Variants in PEAK1 observed in about 807,000 individuals in gnomAD.
The protein encoded by PEAK1 is pseudopodium enriched atypical kinase 1, also known as inactive tyrosine-protein kinase PEAK1.
Under a neutral mutation model 124.7 loss-of-function variants are expected in PEAK1, and 54 were observed. That is an observed-to-expected ratio of 0.43 (90% confidence interval 0.35 to 0.54). The LOEUF is 0.54. Among genes scored for constraint, PEAK1 ranks in the 20% least tolerant of loss-of-function variants. The probability of loss-of-function intolerance (pLI) is 0.01; values close to 1 mark genes in which losing one functional copy is unlikely to be tolerated. For missense variants in PEAK1, 2,046 were observed against 2,134.5 expected, an observed-to-expected ratio of 0.96 and a Z score of 0.82; for synonymous variants, 719 against 760.0, an observed-to-expected ratio of 0.95 and a Z score of 0.89.
intron 2 of PEAK1, chr15:77,351,892 C>T: frequency 1.0e-6 from 1 of 985,314 alleles, no homozygotes; most frequent in Non-Finnish European, 1.2e-6. Flanking sequence ...AGAATAAAGT[C>T]TAAAGGTAAT....
chr15:77,261,192 G>A (rs1291464675), intron 5 of PEAK1, among the ~76,000 whole-genome samples: 1 of 152,172 alleles, frequency 6.6e-6, no homozygotes, highest in African/African-American at 2.4e-5. Flanking sequence ...CAGAAACACT[G>A]AAAATTCTAA....
rs73461018 is a variant in PEAK1 at position 77,338,122 on chromosome 15, C to G, written c.-603+27041G>C. On this transcript the variant is annotated intron_variant, in intron 2 of 9. Transcript: ENST00000682557. ...GGTAAATAAGCAATGATAATCAAAT[C>G]AGCAGTGACAGATTAGCATGGACAA... is the stretch of plus-strand genomic sequence containing the variant. 1.0e-3 allele frequency: 982 copies of G among 982,840 alleles called. 5 individuals are homozygous for G. In the African/African-American group the frequency reaches 0.016, roughly 16 times the overall value. 60.9% of individuals were successfully genotyped at this position (982,840 alleles called of 1,614,324 possible). A position where few individuals can be genotyped will look rare whatever the true frequency, so the allele number is the denominator to read the frequency against.
At chr15:77,286,655 A>C (rs2062945536) in intron 2 of PEAK1, 151 bp from the exon 3 acceptor site, 1 of 181,884 alleles carries the variant, frequency 5.5e-6, no homozygotes, top group Non-Finnish European at 1.0e-5. Flanking sequence ...AAAATCACTA[A>C]GAGGTGTTTT....
downstream of PEAK1, chr15:77,106,940 G>A (rs950447003): frequency 1.3e-5 from 2 of 152,288 alleles, no homozygotes; most frequent in African/African-American, 4.8e-5. Flanking sequence ...TTACACTTCA[G>A]CCTTCGTATA....
At chr15:77,302,332 A>G (rs1382260450) in intron 2 of PEAK1, among the ~76,000 whole-genome samples, 1 of 152,200 alleles carries the variant, frequency 6.6e-6, no homozygotes, top group African/African-American at 2.4e-5. Context: ...AACCATGTGT[A>G]TCTATACATT....
At chr15:77,217,866 G>T (rs4886855) in intron 6 of PEAK1, among the ~76,000 whole-genome samples, 6 of 152,188 alleles carry the variant, frequency 3.9e-5, no homozygotes, top group Non-Finnish European at 5.9e-5. Context: ...ATCCTAAAAA[G>T]TTTGTTTTTT....
chr15:77,268,691 TCAC>T (rs1183824604), intron 5 of PEAK1, among the ~76,000 whole-genome samples: 1 of 151,896 alleles, frequency 6.6e-6, no homozygotes, highest in Non-Finnish European at 1.5e-5. Flanking sequence ...CGCAAAAACA[TCAC>T]CACCTAGGCA....
chr15:77,305,577 G>GT (rs2064053880), intron 2 of PEAK1, among the ~76,000 whole-genome samples: 1 of 152,120 alleles, frequency 6.6e-6, no homozygotes, highest in South Asian at 2.1e-4. Flanking sequence ...TTACTATGGA[G>GT]TTTTTTGGAA....
At chr15:77,211,951 G>A (rs1010319643) in intron 6 of PEAK1, among the ~76,000 whole-genome samples, 30 of 150,514 alleles carry the variant, frequency 2.0e-4, no homozygotes, top group Admixed American at 6.0e-4. Context: ...TTCCTTCTCT[G>A]GTGTTTTCAT....
chr15:77,321,102 C>T (rs1281306188), intron 2 of PEAK1, among the ~76,000 whole-genome samples: 1 of 152,128 alleles, frequency 6.6e-6, no homozygotes, highest in Admixed American at 6.6e-5. Context: ...CTATTGTGAA[C>T]AGTGCCACAA....
At chr15:77,402,399 A>G (rs2071448680) in intron 1 of PEAK1, 1 of 985,376 alleles carries the variant, frequency 1.0e-6, no homozygotes, top group Non-Finnish European at 1.2e-6. Flanking sequence ...ATTTCATTCA[A>G]TCAACATATC....
At chr15:77,200,594 A>G (rs2058316831) in intron 6 of PEAK1, among the ~76,000 whole-genome samples, 1 of 152,252 alleles carries the variant, frequency 6.6e-6, no homozygotes, top group Admixed American at 6.5e-5. Context: ...AAGTTTTATC[A>G]AACTGTGAAT....
At chr15:77,261,648 G>A (rs2061447192) in intron 5 of PEAK1, among the ~76,000 whole-genome samples, 1 of 152,180 alleles carries the variant, frequency 6.6e-6, no homozygotes, top group Admixed American at 6.5e-5. Context: ...GTACCTGAAA[G>A]TGACGGGGAG....
At chr15:77,404,930 G>A (rs1258725824) in intron 1 of PEAK1, 1 of 211,646 alleles carries the variant, frequency 4.7e-6, no homozygotes, top group Non-Finnish European at 8.2e-6. Context: ...CTTTCACAGT[G>A]TGACCACTTT....
At chr15:77,104,825 T>TG (rs1456585661), downstream of PEAK1, 1 of 152,080 alleles carries the variant, frequency 6.6e-6, no homozygotes, top group Non-Finnish European at 1.5e-5. Flanking sequence ...AAGGGTAAAA[T>TG]GGGGATAATT....
chr15:77,313,682 G>GTATA (rs1567244747), intron 2 of PEAK1, among the ~76,000 whole-genome samples: 8 of 118,648 alleles, frequency 6.7e-5, no homozygotes, highest in African/African-American at 3.2e-4. Context: ...GTGTGTGTGT[G>GTATA]TGTGTGTGTG....
chr15:77,348,039 T>C (rs2066975420), intron 2 of PEAK1: 1 of 985,356 alleles, frequency 1.0e-6, no homozygotes, highest in South Asian at 4.7e-5. Context: ...TGCACATGGC[T>C]ATCAAATATA....
chr15:77,273,423 G>A (rs1333015042), intron 5 of PEAK1, among the ~76,000 whole-genome samples: 1 of 152,106 alleles, frequency 6.6e-6, no homozygotes. Flanking sequence ...AAAGTTTCAG[G>A]ATACAAAATT....
At chr15:77,261,027 C>T (rs1267152630) in intron 5 of PEAK1, among the ~76,000 whole-genome samples, 1 of 152,146 alleles carries the variant, frequency 6.6e-6, no homozygotes, top group African/African-American at 2.4e-5. Flanking sequence ...GGAGAGGACC[C>T]CCAGCAAACT....
Sources: allele counts gnomAD v4.1 joint callset (sites outside exome capture counted in the v4.1 genomes callset), GRCh38; gene constraint gnomAD v4.1.1; transcripts MANE v1.5; gene names NCBI Gene and HGNC (gene_info 2026-07-23, HGNC 2026-07-21).